ADAMTSL1: variants seen among roughly 807,000 people sequenced by gnomAD.
ADAMTSL1 encodes the protein ADAMTS-like protein 1.
Under a neutral mutation model 201.8 loss-of-function variants are expected in ADAMTSL1, and 126 were observed. The ratio of observed to expected loss-of-function variants is 0.62; its 90% CI spans 0.54 to 0.72. ADAMTSL1 has a LOEUF of 0.72. ADAMTSL1 is among the 30% of genes least tolerant of loss of function. The pLI, the probability that ADAMTSL1 is intolerant of heterozygous loss-of-function variation, is 0.00. For missense variants in ADAMTSL1, 2,679 were observed against 2,277.8 expected, an observed-to-expected ratio of 1.18 and a Z score of -3.59; for synonymous variants, 1,121 against 903.4, an observed-to-expected ratio of 1.24 and a Z score of -4.32.
intron 2 of ADAMTSL1, among the ~76,000 whole-genome samples, chr9:18,249,739 A>C (rs965448853): frequency 6.6e-6 from 1 of 152,218 alleles, no homozygotes; most frequent in African/African-American, 2.4e-5. Context: ...AAGGCTCCTC[A>C]TGTTACTCTC....
At chr9:18,417,865 C>A (rs915418778) in intron 2 of ADAMTSL1, among the ~76,000 whole-genome samples, 2 of 152,134 alleles carry the variant, frequency 1.3e-5, no homozygotes, top group Non-Finnish European at 2.9e-5. Context: ...AACTTCCCAA[C>A]TAATTTTATA....
intron 19 of ADAMTSL1, chr9:18,793,235 C>T (rs1205259873): frequency 6.6e-6 from 1 of 152,246 alleles, no homozygotes; most frequent in Non-Finnish European, 1.5e-5. Flanking sequence ...CTTACTTCTA[C>T]TTCCTGCCTT....
chr9:18,564,443 G>C (rs1821750176), intron 3 of ADAMTSL1, among the ~76,000 whole-genome samples: 1 of 151,762 alleles, frequency 6.6e-6, no homozygotes, highest in South Asian at 2.1e-4. Context: ...GCAGACCAGA[G>C]CTGTTCCTAT....
intron 1 of ADAMTSL1, among the ~76,000 whole-genome samples, chr9:17,964,771 G>A (rs944656082): frequency 2.6e-5 from 4 of 152,158 alleles, no homozygotes; most frequent in Admixed American, 2.0e-4. Flanking sequence ...AATCCACAGT[G>A]ATCTAAACAT....
chr9:18,574,049 G>A lies in ADAMTSL1; in HGVS notation c.257G>A (p.Gly86Asp), dbSNP rs1274512192. The change falls in exon 4 of 29, where the codon GGT becomes GAT. Residue 86 changes from glycine to aspartate, a missense_variant. Gly to Asp is a moderately conservative substitution (Grantham distance 94). Transcript: ENST00000380548. ...CTCCAGGACTGCCCACCAGAAGCAGGTGATTTCCGAGCTCAGCAATGCTCA... is the reference window on the plus strand; with the variant it reads ...CTCCAGGACTGCCCACCAGAAGCAGATGATTTCCGAGCTCAGCAATGCTCA... ...CSNVDCPPEA[G>D]DFRAQQCSAH... 6.8e-6 allele frequency: 11 copies of A among 1,613,586 alleles called. No individual in the cohort carries two copies. Among genetic ancestry groups the A allele is most frequent in the African/African-American group, 1.3e-5 (1 of 74,976 alleles).
intron 2 of ADAMTSL1, among the ~76,000 whole-genome samples, chr9:18,513,750 C>A (rs907972227): frequency 3.3e-5 from 5 of 152,146 alleles, no homozygotes; most frequent in African/African-American, 1.2e-4. Context: ...ATTGTGTATT[C>A]TTGGAACCTT....
At chr9:18,531,644 C>T (rs1819454158) in intron 2 of ADAMTSL1, among the ~76,000 whole-genome samples, 1 of 152,136 alleles carries the variant, frequency 6.6e-6, no homozygotes, top group African/African-American at 2.4e-5. Flanking sequence ...TGGTAACATT[C>T]TCAAGACCTA....
At chr9:18,746,423 T>A (rs1819148887) in intron 15 of ADAMTSL1, among the ~76,000 whole-genome samples, 1 of 152,274 alleles carries the variant, frequency 6.6e-6, no homozygotes, top group South Asian at 2.1e-4. Flanking sequence ...GAAACAAATA[T>A]CTTTGGAAGA....
At chr9:18,186,712 C>T (rs1456835400) in intron 2 of ADAMTSL1, among the ~76,000 whole-genome samples, 1 of 152,032 alleles carries the variant, frequency 6.6e-6, no homozygotes. Context: ...TTTGGAATTG[C>T]ATTTCACATT....
chr9:18,513,591 C>G (rs1049616548), intron 2 of ADAMTSL1, among the ~76,000 whole-genome samples: 1 of 152,074 alleles, frequency 6.6e-6, no homozygotes, highest in African/African-American at 2.4e-5. Flanking sequence ...GAAGCTTTGC[C>G]CCTGTATTTT....
chr9:18,504,911 GC>G lies in ADAMTSL1; in HGVS notation c.147del (p.Cys49TrpfsTer9). 1.9e-6 allele frequency: 3 copies of G among 1,612,884 alleles called. No individual in the cohort carries two copies. Among genetic ancestry groups the G allele is most frequent in the Non-Finnish European group, 2.5e-6 (3 of 1,179,716 alleles). On this transcript the variant is annotated frameshift_variant, in exon 2 of 29. Coordinates refer to ENST00000380548, the MANE Select transcript of ADAMTSL1 (RefSeq NM_001040272.6). LOFTEE classifies it high-confidence loss of function. The part of the protein sequence containing the change: ...WGPWSECSRT[C>X]GGGASYSLRR... Reference sequence around the variant, plus strand: ...CCATGGAGTGAATGCTCACGCACCTGCGGGGGTGGGGCCTCCTACTCTCTGA... The same window carrying G: ...CCATGGAGTGAATGCTCACGCACCTGGGGGGTGGGGCCTCCTACTCTCTGA...
chr9:18,671,646 A>G (rs923270280), intron 9 of ADAMTSL1, among the ~76,000 whole-genome samples: 3 of 152,234 alleles, frequency 2.0e-5, no homozygotes, highest in Admixed American at 6.5e-5. Flanking sequence ...TCAGGAAATC[A>G]GAAACGAAGA....
chr9:18,402,881 A>C (rs1196988592), intron 2 of ADAMTSL1, among the ~76,000 whole-genome samples: 5 of 152,172 alleles, frequency 3.3e-5, no homozygotes, highest in Non-Finnish European at 7.3e-5. Flanking sequence ...TGCTATTGCC[A>C]GTATTCATCA....
At chr9:18,193,713 C>T (rs1829061706) in intron 2 of ADAMTSL1, among the ~76,000 whole-genome samples, 1 of 152,148 alleles carries the variant, frequency 6.6e-6, no homozygotes, top group Non-Finnish European at 1.5e-5. Flanking sequence ...AGCCTACTCC[C>T]ATAGCCACAT....
chr9:18,589,774 A>G (rs1488321571), intron 4 of ADAMTSL1, among the ~76,000 whole-genome samples: 1 of 152,174 alleles, frequency 6.6e-6, no homozygotes, highest in Non-Finnish European at 1.5e-5. Context: ...GGTTTTTGTC[A>G]TCTACAGATG....
chr9:18,383,608 C>G (rs10756960), intron 2 of ADAMTSL1, among the ~76,000 whole-genome samples: 81,074 of 151,950 alleles, frequency 0.53, 21,780 homozygotes, highest in Admixed American at 0.6. Context: ...TGAGGCTTCT[C>G]AGATGATGGA....
intron 2 of ADAMTSL1, among the ~76,000 whole-genome samples, chr9:18,432,090 G>A (rs1413289092): frequency 6.6e-6 from 1 of 152,104 alleles, no homozygotes; most frequent in Non-Finnish European, 1.5e-5. Context: ...TCTTTAAAGA[G>A]GCCAGCTCAT....
At chr9:18,283,910 T>C (rs1416046928) in intron 2 of ADAMTSL1, among the ~76,000 whole-genome samples, 11 of 11,578 alleles carry the variant, frequency 9.5e-4, no homozygotes, top group East Asian at 2.7e-3. Context: ...AGAGCAAGAC[T>C]CCGTCTAAAA....
At chr9:18,332,460 C>T in intron 2 of ADAMTSL1, among the ~76,000 whole-genome samples, 1 of 151,950 alleles carries the variant, frequency 6.6e-6, no homozygotes, top group South Asian at 2.1e-4. Flanking sequence ...AGTTTTCCTC[C>T]TTTTTTTAGA....
Sources: allele counts gnomAD v4.1 joint callset (sites outside exome capture counted in the v4.1 genomes callset), GRCh38; gene constraint gnomAD v4.1.1; transcripts MANE v1.5; gene names NCBI Gene and HGNC (gene_info 2026-07-23, HGNC 2026-07-21).